Variants in ZNF577 observed in about 807,000 individuals in gnomAD.
ZNF577 encodes the protein zinc finger protein 577.
ZNF577 carries 14 observed loss-of-function variants against 13.9 expected under a neutral mutation model. The observed-to-expected ratio is 1.00, with a 90% CI of 0.66 to 1.57. ZNF577 has a LOEUF of 1.57. Ranked by LOEUF, ZNF577 falls within the 40% of genes most tolerant of loss-of-function variation. The pLI is 0.00. For missense variants in ZNF577, 555 were observed against 579.2 expected, an observed-to-expected ratio of 0.96 and a Z score of 0.43; for synonymous variants, 203 against 202.9, an observed-to-expected ratio of 1.00 and a Z score of 0.00.
intron 5 of ZNF577, among the ~76,000 whole-genome samples, chr19:51,858,871 T>G (rs1463228856): frequency 6.6e-6 from 1 of 152,210 alleles, no homozygotes. Context: ...TTAACAATTT[T>G]AGAGTGTACA....
chr19:51,873,752 G>A (rs1568447804), intron 5 of ZNF577, 46 bp from the exon 6 acceptor site: 2 of 1,391,370 alleles, frequency 1.4e-6, no homozygotes, highest in East Asian at 4.6e-5. Flanking sequence ...AACTTATTGT[G>A]TCTTTACATT....
intron 5 of ZNF577, among the ~76,000 whole-genome samples, 175 bp downstream of exon 5, chr19:51,877,107 C>G (rs1002427205): frequency 6.6e-6 from 1 of 152,106 alleles, no homozygotes. Context: ...AGACATTATC[C>G]TTTGAGAGCC....
At chr19:51,817,894 AT>A (rs1337001125) in intron 9 of ZNF577, 1 of 152,180 alleles carries the variant, frequency 6.6e-6, no homozygotes, top group African/African-American at 2.4e-5. Flanking sequence ...TATGACAGAC[AT>A]TTCCTAAACT....
At chr19:51,857,471 CAGT>C (rs1328706143) in intron 5 of ZNF577, among the ~76,000 whole-genome samples, 5 of 151,910 alleles carry the variant, frequency 3.3e-5, no homozygotes, top group African/African-American at 1.2e-4. Context: ...GTGTATTTTG[CAGT>C]AGATGTTTCA....
intron 1 of ZNF577, among the ~76,000 whole-genome samples, chr19:51,884,415 G>A (rs2084910954): frequency 6.6e-6 from 1 of 152,090 alleles, no homozygotes; most frequent in Non-Finnish European, 1.5e-5. Context: ...AAATATGACT[G>A]ATATGACAGA....
chr19:51,826,055 T>C (rs2084230194), intron 9 of ZNF577: 1 of 163,020 alleles, frequency 6.1e-6, no homozygotes, highest in Admixed American at 6.5e-5. Context: ...ATGTTGAATT[T>C]TATTAAATGC....
chr19:51,872,674 A>G lies in ZNF577; in HGVS notation c.1316T>C (p.Ile439Thr). ...SERLVGRNVVIVEQPFPRNQA... is the reference protein window; with the variant it reads ...SERLVGRNVVTVEQPFPRNQA... ...ATTTCTTGGAAAAGGTTGTTCCACA[A>G]TCACTACATTTCTGCCCACTAGGCG... is the stretch of plus-strand genomic sequence containing the variant. The change falls in exon 6 of 6, where the codon ATT becomes ACT. Residue 439 changes from isoleucine (I) to threonine (T), a missense_variant. Transcript: ENST00000638348. The G allele has an allele frequency of 1.9e-6, 3 of 1,614,234 alleles. No individual in the cohort carries two copies. Among genetic ancestry groups the G allele is most frequent in the South Asian group, 1.1e-5 (1 of 91,090 alleles).
At chr19:51,820,974 A>AAGTAGT (rs1379122439) in intron 9 of ZNF577, among the ~76,000 whole-genome samples, 1 of 152,198 alleles carries the variant, frequency 6.6e-6, no homozygotes, top group African/African-American at 2.4e-5. Context: ...TAATGTTCAT[A>AAGTAGT]AGTAGTAGCC....
Position 51,822,230 on chromosome 19 carries a change from T to A in ZNF577, c.*600-10556A>T, listed in dbSNP as rs142515499. Reference sequence around the variant, plus strand: ...TAGATCCCAGAAAGATGCCAGGATATCCTCCCATAGTGTTATTGCCCAGAA... The same window carrying A: ...TAGATCCCAGAAAGATGCCAGGATAACCTCCCATAGTGTTATTGCCCAGAA... On this transcript the variant is annotated intron_variant and NMD_transcript_variant, in intron 9 of 10. Coordinates refer to the ZNF577 transcript ENST00000638827. Among the ~76,000 whole-genome samples, 28 of 152,308 alleles carry A rather than the reference T, an allele frequency of 1.8e-4. No individual in the cohort carries two copies. The East Asian group carries it at 4.6e-3, about 25-fold the overall frequency.
chr19:51,858,232 C>T (rs745909328), intron 5 of ZNF577, among the ~76,000 whole-genome samples: 1 of 152,220 alleles, frequency 6.6e-6, no homozygotes, highest in African/African-American at 2.4e-5. Flanking sequence ...CCACAATCTC[C>T]GTGCTTGTTC....
At chr19:51,825,044 A>G (rs924542128) in intron 9 of ZNF577, 1 of 488,842 alleles carries the variant, frequency 2.0e-6, no homozygotes, top group Non-Finnish European at 3.8e-6. Flanking sequence ...CAGATCCCAC[A>G]GGTTTAAGGG....
chr19:51,824,317 G>A lies in ZNF577; in HGVS notation c.*600-12643C>T, dbSNP rs775084738. The A allele has an allele frequency of 9.9e-6, 16 of 1,613,996 alleles. No homozygotes were observed. The highest frequency in any genetic ancestry group is 1.3e-5 in the Non-Finnish European group (15 of 1,180,012). On this transcript the variant is annotated intron_variant and NMD_transcript_variant, in intron 9 of 10. Coordinates refer to the ZNF577 transcript ENST00000638827. This position sits in a 1 kb window ranked among gnomAD's most constrained non-coding sequence, Gnocchi z 4.7. ...TTCTGGGGTGACACTGCTGTAGAGA[G>A]GTTGAACGTGTTCATTACCATGGCC...
intron 1 of ZNF577, among the ~76,000 whole-genome samples, chr19:51,884,963 C>T (rs956467193): frequency 3.3e-5 from 5 of 152,192 alleles, no homozygotes; most frequent in African/African-American, 1.2e-4. Flanking sequence ...TGATTTATAG[C>T]TTAATTCCAC....
intron 9 of ZNF577, among the ~76,000 whole-genome samples, chr19:51,829,954 G>A (rs892458395): frequency 2.0e-5 from 3 of 152,218 alleles, no homozygotes; most frequent in Admixed American, 6.5e-5. Flanking sequence ...ACCCCCAGAT[G>A]TTTTTAGTAA....
At chr19:51,826,650 G>T (rs1471134298) in intron 9 of ZNF577, among the ~76,000 whole-genome samples, 1 of 152,196 alleles carries the variant, frequency 6.6e-6, no homozygotes, top group Non-Finnish European at 1.5e-5. Context: ...TTGCAGTAAA[G>T]AAAGATGCAG....
chr19:51,814,204 T>C (rs1000029854), intron 9 of ZNF577, among the ~76,000 whole-genome samples: 2 of 152,216 alleles, frequency 1.3e-5, no homozygotes, highest in African/African-American at 4.8e-5. Flanking sequence ...TCTCCACTTG[T>C]CTTCATGGTT....
chr19:51,824,987 G>T lies in ZNF577; in HGVS notation c.*600-13313C>A. The T allele has an allele frequency of 1.7e-6, 1 of 599,140 alleles. No homozygotes were observed. Among genetic ancestry groups the T allele is most frequent in the Non-Finnish European group, 3.0e-6 (1 of 332,288 alleles). 37.1% of individuals were successfully genotyped at this position (599,140 alleles called of 1,614,324 possible). A position where few individuals can be genotyped will look rare whatever the true frequency, so the allele number is the denominator to read the frequency against. ...CACAACCAAGCAATAGACACCAGCT[G>T]GGTGTCCTACAATTAAATTCCAACA... On this transcript the variant is annotated intron_variant and NMD_transcript_variant, in intron 9 of 10. Transcript: ENST00000638827. The surrounding 1 kb of genome is among the most constrained non-coding windows in gnomAD (Gnocchi z 4.7).
chr19:51,863,732 T>C (rs2084529209), downstream of ZNF577, among the ~76,000 whole-genome samples: 1 of 152,106 alleles, frequency 6.6e-6, no homozygotes. Flanking sequence ...AAGATATTGA[T>C]GAAAACATAC....
intron 1 of ZNF577, among the ~76,000 whole-genome samples, chr19:51,885,573 A>G (rs1399408264): frequency 1.3e-5 from 2 of 152,070 alleles, no homozygotes; most frequent in African/African-American, 4.8e-5. Context: ...GTGCAATGGC[A>G]TGATCCCAGC....
Sources: gnomAD v4.1 joint callset for allele counts (sites outside exome capture counted in the v4.1 genomes callset) on GRCh38, gnomAD v4.1.1 for gene constraint, Gnocchi (gnomAD v3.1) non-coding constraint, MANE v1.5 for transcripts, NCBI Gene and HGNC (gene_info 2026-07-23, HGNC 2026-07-21) for gene names.